The following DOCK3 variants were observed in gnomAD, a reference collection of about 807,000 sequenced individuals.
The protein encoded by DOCK3 is dedicator of cytokinesis protein 3.
In DOCK3, 60 loss-of-function variants were observed where a neutral mutation model predicts 265.6. The ratio of observed to expected loss-of-function variants is 0.23; its 90% confidence interval spans 0.18 to 0.28. The LOEUF (loss-of-function observed/expected upper bound fraction) is 0.28, where lower values mean the gene tolerates loss of function less well. Among genes scored for constraint, DOCK3 ranks in the 10% least tolerant of loss-of-function variants. The pLI, the probability that DOCK3 is intolerant of heterozygous loss-of-function variation, is 1.00. For missense variants in DOCK3, 1,981 were observed against 2,594.3 expected (o/e 0.76, Z 5.14); for synonymous variants, 881 against 938.0 (o/e 0.94, Z 1.11).
intron 1 of DOCK3, among the ~76,000 whole-genome samples, chr3:50,711,600 A>T (rs2107921443): frequency 6.6e-6 from 1 of 151,984 alleles, no homozygotes; most frequent in African/African-American, 2.4e-5. Flanking sequence ...TTTGTTGAAG[A>T]TTCTTGTGTT....
intron 1 of DOCK3, among the ~76,000 whole-genome samples, chr3:50,774,718 GT>G (rs2041486799): frequency 6.6e-6 from 1 of 151,832 alleles, no homozygotes; most frequent in African/African-American, 2.4e-5. Context: ...CCTGCATACA[GT>G]GTTGAATAGA....
chr3:50,776,447 T>C (rs2041607961), intron 1 of DOCK3, among the ~76,000 whole-genome samples: 1 of 152,092 alleles, frequency 6.6e-6, no homozygotes, highest in South Asian at 2.1e-4. Flanking sequence ...TTTTTCTTGC[T>C]GATTTGAGTT....
intron 1 of DOCK3, among the ~76,000 whole-genome samples, chr3:50,773,010 G>C (rs1240195581): frequency 6.6e-6 from 1 of 152,014 alleles, no homozygotes; most frequent in African/African-American, 2.4e-5. Context: ...AAAACAGCTG[G>C]AGGCATCACA....
intron 14 of DOCK3, among the ~76,000 whole-genome samples, chr3:51,224,010 G>A (rs912526899): frequency 5.9e-5 from 9 of 152,190 alleles, no homozygotes; most frequent in African/African-American, 1.7e-4. Context: ...TCAAAGCAGA[G>A]GCACTTCCCA....
chr3:51,356,433 G>T lies in DOCK3; in HGVS notation c.4443G>T (p.Leu1481=). Residue 1481 remains leucine, a synonymous_variant, in exon 43 of 53, where the codon CTG becomes CTT. Coordinates refer to ENST00000266037, the MANE Select transcript of DOCK3 (RefSeq NM_004947.5). ...FKSLWIERTT[L]TLTHSLPGIS... ...GCCTGTGGATTGAACGTACCACACT[G>T]ACCCTGACCCACAGCTTGCCTGGCA... 6.2e-7 allele frequency: 1 copy of T among 1,613,218 alleles called. No homozygotes were observed. The highest frequency in any genetic ancestry group is 1.1e-5 in the South Asian group (1 of 91,020).
At chr3:51,201,218 A>T (rs1236374548) in intron 12 of DOCK3, among the ~76,000 whole-genome samples, 3 of 151,234 alleles carry the variant, frequency 2.0e-5, no homozygotes, top group Non-Finnish European at 4.4e-5. Flanking sequence ...CAATTAAAAG[A>T]CACAGACTGG....
intron 3 of DOCK3, among the ~76,000 whole-genome samples, chr3:50,884,297 G>A (rs545333441): frequency 6.7e-5 from 10 of 150,226 alleles, no homozygotes; most frequent in South Asian, 2.1e-4. Flanking sequence ...CGCCATGTTG[G>A]CAAAGCTGGT....
At chr3:50,836,489 G>A (rs1317776580) in intron 2 of DOCK3, among the ~76,000 whole-genome samples, 2 of 152,216 alleles carry the variant, frequency 1.3e-5, no homozygotes, top group African/African-American at 4.8e-5. Flanking sequence ...ACAGCCTGAA[G>A]TATACCTTTA....
At chr3:50,990,344 C>T (rs1162833465) in intron 5 of DOCK3, among the ~76,000 whole-genome samples, 1 of 152,114 alleles carries the variant, frequency 6.6e-6, no homozygotes, top group Non-Finnish European at 1.5e-5. Context: ...CCCCAAGACA[C>T]ATCACGTAAC....
chr3:51,143,259 G>GT (rs150547534), intron 9 of DOCK3, among the ~76,000 whole-genome samples: 2 of 147,656 alleles, frequency 1.4e-5, no homozygotes, highest in Admixed American at 6.7e-5. Flanking sequence ...TTTGTTTTCT[G>GT]TTTTTTTTTT....
chr3:51,186,683 G>A (rs1560178587), intron 12 of DOCK3, among the ~76,000 whole-genome samples: 1 of 152,170 alleles, frequency 6.6e-6, no homozygotes, highest in East Asian at 1.9e-4. Context: ...GCAGCCTAGG[G>A]CACCTAGCCT....
intron 38 of DOCK3, among the ~76,000 whole-genome samples, chr3:51,344,561 A>C (rs967484793): frequency 7.9e-5 from 12 of 152,354 alleles, no homozygotes; most frequent in African/African-American, 2.9e-4. Context: ...CGGAGGTTGC[A>C]GTGAGCTGAG....
intron 5 of DOCK3, 136 bp downstream of exon 5, chr3:50,934,213 A>C: frequency 1.5e-6 from 1 of 645,880 alleles, no homozygotes; most frequent in Non-Finnish European, 2.5e-6. Context: ...ATATTTACTG[A>C]AACATAGCAG....
intron 40 of DOCK3, among the ~76,000 whole-genome samples, chr3:51,350,673 T>A (rs1028574887): frequency 8.5e-5 from 13 of 152,138 alleles, no homozygotes; most frequent in African/African-American, 3.1e-4. Flanking sequence ...GGTCTAAGAG[T>A]GTGCCATAGG....
chr3:51,361,780 T>C lies in DOCK3; in HGVS notation c.5007-79T>C, dbSNP rs1042272392. On this transcript the variant is annotated intron_variant, in intron 47 of 52. Coordinates refer to ENST00000266037, the MANE Select transcript of DOCK3 (RefSeq NM_004947.5). The surrounding 1 kb of genome is among the most constrained non-coding windows in gnomAD (Gnocchi z 4.2). ...TGGTAGCTGAAACCAGGGATGACTATTCCACACATTCCGCTCTACTGTCCC... is the reference window on the plus strand; with the variant it reads ...TGGTAGCTGAAACCAGGGATGACTACTCCACACATTCCGCTCTACTGTCCC... The C allele has an allele frequency of 1.3e-6, 2 of 1,529,612 alleles. No individual in the cohort carries two copies. The highest frequency in any genetic ancestry group is 2.7e-5 in the African/African-American group (2 of 73,214). The allele number at this position is 1,529,612 out of a possible 1,614,324, so 94.8% of individuals were successfully genotyped here. A position where few individuals can be genotyped will look rare whatever the true frequency, so the allele number is the denominator to read the frequency against.
intron 15 of DOCK3, among the ~76,000 whole-genome samples, chr3:51,226,884 G>C (rs1354812644): frequency 6.6e-6 from 1 of 152,192 alleles, no homozygotes; most frequent in Admixed American, 6.5e-5. Flanking sequence ...AAAACAGGCT[G>C]TCTCCACTTT....
At chr3:51,064,712 T>A (rs1427024947) in intron 6 of DOCK3, 116 bp downstream of exon 6, 1 of 1,292,912 alleles carries the variant, frequency 7.7e-7, no homozygotes, top group Non-Finnish European at 1.0e-6. Context: ...TGTTATATTC[T>A]TCACTAAGCT....
chr3:51,261,184 C>A (rs961872774), intron 23 of DOCK3, among the ~76,000 whole-genome samples: 2 of 151,728 alleles, frequency 1.3e-5, no homozygotes, highest in Non-Finnish European at 2.9e-5. Flanking sequence ...ACACAAAAGG[C>A]AGGTGATTTC....
chr3:51,061,652 T>A (rs1047531689), intron 5 of DOCK3, among the ~76,000 whole-genome samples: 1 of 151,966 alleles, frequency 6.6e-6, no homozygotes, highest in African/African-American at 2.4e-5. Flanking sequence ...ACATGGCAGA[T>A]GTATACATAT....
Sources: allele counts gnomAD v4.1 joint callset (sites outside exome capture counted in the v4.1 genomes callset), GRCh38; gene constraint gnomAD v4.1.1; non-coding constraint Gnocchi (gnomAD v3.1); transcripts MANE v1.5; gene names NCBI Gene and HGNC (gene_info 2026-07-23, HGNC 2026-07-21).